The following RBFOX1 variants were observed in gnomAD, a reference collection of about 807,000 sequenced individuals.
RBFOX1 encodes the protein RNA binding fox-1 homolog 1.
A neutral mutation model predicts 57.7 loss-of-function variants in RBFOX1; 8 were observed. The observed-to-expected ratio is 0.14, with a 90% CI of 0.08 to 0.25. The LOEUF is 0.25. RBFOX1 is among the 10% of genes least tolerant of loss of function. The probability of loss-of-function intolerance (pLI) is 1.00; values close to 1 mark genes in which losing one functional copy is unlikely to be tolerated. For synonymous variants in RBFOX1, 326 were observed against 222.4 expected, an observed-to-expected ratio of 1.47 and a Z score of -4.15; for missense variants, 611 against 548.5, an observed-to-expected ratio of 1.11 and a Z score of -1.14.
intron 3 of RBFOX1, among the ~76,000 whole-genome samples, chr16:6,725,553 C>A (rs1289954132): frequency 1.3e-5 from 2 of 152,194 alleles, no homozygotes; most frequent in African/African-American, 2.4e-5. Flanking sequence ...ATAATCCACC[C>A]CCTGTTTAGC....
chr16:7,060,420 T>A (rs184623807), intron 4 of RBFOX1, among the ~76,000 whole-genome samples: 233 of 152,308 alleles, frequency 1.5e-3, no homozygotes, highest in Middle Eastern at 3.4e-3. Flanking sequence ...AATAAATGCA[T>A]GCACGTTCAT....
At chr16:5,636,473 A>G (rs1442855080) in intron 3 of RBFOX1, among the ~76,000 whole-genome samples, 1 of 151,970 alleles carries the variant, frequency 6.6e-6, no homozygotes, top group Non-Finnish European at 1.5e-5. Context: ...AATCTGAAGG[A>G]CTCCTCCCGC....
At chr16:6,812,820 G>A (rs1033292216) in intron 3 of RBFOX1, among the ~76,000 whole-genome samples, 1 of 152,132 alleles carries the variant, frequency 6.6e-6, no homozygotes, top group African/African-American at 2.4e-5. Flanking sequence ...ATTAGGTTTT[G>A]CATACAGCAG....
chr16:6,038,528 G>GGA (rs763970563), intron 1 of RBFOX1: 23 of 87,196 alleles, frequency 2.6e-4, no homozygotes, highest in African/African-American at 9.3e-4. Context: ...ATATATCCGT[G>GGA]GAGATATATA....
At chr16:7,124,878 A>G (rs2068095568) in intron 4 of RBFOX1, among the ~76,000 whole-genome samples, 2 of 152,100 alleles carry the variant, frequency 1.3e-5, no homozygotes, top group Admixed American at 6.6e-5. Flanking sequence ...CCTGACAAAT[A>G]AATATTTCAC....
intron 2 of RBFOX1, among the ~76,000 whole-genome samples, chr16:6,495,319 A>G (rs912744524): frequency 6.6e-6 from 1 of 152,066 alleles, no homozygotes; most frequent in Non-Finnish European, 1.5e-5. Flanking sequence ...GGGTTTCACC[A>G]TGTTTTCCAG....
intron 4 of RBFOX1, among the ~76,000 whole-genome samples, chr16:7,261,667 G>A (rs2153070118): frequency 6.6e-6 from 1 of 152,294 alleles, no homozygotes; most frequent in African/African-American, 2.4e-5. Flanking sequence ...TTATGTGTCT[G>A]ACAGGATGCC....
intron 4 of RBFOX1, among the ~76,000 whole-genome samples, chr16:7,197,584 A>AAT (rs2087053111): frequency 6.6e-6 from 1 of 152,202 alleles, no homozygotes; most frequent in Non-Finnish European, 1.5e-5. Context: ...GTTTATTTGC[A>AAT]GTAACATTGA....
At chr16:5,567,752 A>G (rs145301244) in intron 2 of RBFOX1, among the ~76,000 whole-genome samples, 2,052 of 151,536 alleles carry the variant, frequency 0.014, 52 homozygotes, top group African/African-American at 0.047. Flanking sequence ...TGTCATTACC[A>G]TCATCATTGT....
chr16:6,166,866 C>A (rs111769063), intron 1 of RBFOX1, among the ~76,000 whole-genome samples: 9,879 of 152,100 alleles, frequency 0.065, 801 homozygotes, highest in African/African-American at 0.19. Flanking sequence ...CTCCACCTCC[C>A]GGGTTCAAGC....
chr16:7,190,570 A>G (rs1016380118), intron 4 of RBFOX1, among the ~76,000 whole-genome samples: 1 of 151,954 alleles, frequency 6.6e-6, no homozygotes, highest in Non-Finnish European at 1.5e-5. Flanking sequence ...AAGGGAAAGT[A>G]GAGGAGGTTG....
At chr16:5,424,806 G>C (rs1172062908) in intron 1 of RBFOX1, among the ~76,000 whole-genome samples, 1 of 151,036 alleles carries the variant, frequency 6.6e-6, no homozygotes, top group Non-Finnish European at 1.5e-5. Context: ...CATGGTGTCT[G>C]TTTTCTCTTC....
At chr16:7,084,645 T>A (rs1567198686) in intron 4 of RBFOX1, among the ~76,000 whole-genome samples, 1 of 152,190 alleles carries the variant, frequency 6.6e-6, no homozygotes, top group African/African-American at 2.4e-5. Flanking sequence ...AAATTGAGCT[T>A]CAAAGACCAG....
chr16:6,423,912 C>T (rs1274005306), intron 2 of RBFOX1, among the ~76,000 whole-genome samples: 1 of 152,128 alleles, frequency 6.6e-6, no homozygotes, highest in Non-Finnish European at 1.5e-5. Flanking sequence ...GGCTAGGAAA[C>T]AGTCTTGCAT....
chr16:6,687,913 C>T (rs753867761), intron 3 of RBFOX1, among the ~76,000 whole-genome samples: 2 of 152,128 alleles, frequency 1.3e-5, no homozygotes, highest in African/African-American at 4.8e-5. Context: ...TTCTCTCCAC[C>T]GTATTTTCAA....
intron 1 of RBFOX1, among the ~76,000 whole-genome samples, chr16:5,340,326 A>G (rs924759877): frequency 6.6e-6 from 1 of 152,208 alleles, no homozygotes; most frequent in Non-Finnish European, 1.5e-5. Flanking sequence ...CTATTTCCTC[A>G]CATTAAGTTA....
intron 4 of RBFOX1, among the ~76,000 whole-genome samples, chr16:7,466,154 A>G (rs57254113): frequency 0.027 from 4,165 of 152,302 alleles, 170 homozygotes; most frequent in African/African-American, 0.094. Flanking sequence ...TGGGTCAGCA[A>G]TAGGATTCAA....
intron 3 of RBFOX1, among the ~76,000 whole-genome samples, chr16:6,883,309 C>T (rs1285083479): frequency 1.3e-5 from 2 of 151,986 alleles, no homozygotes; most frequent in African/African-American, 4.8e-5. Context: ...TTTGTTGGAG[C>T]CCCTGGGAAT....
chr16:6,654,755 A>T (rs2098634271), intron 3 of RBFOX1, 105 bp downstream of exon 3: 4 of 761,238 alleles, frequency 5.3e-6, no homozygotes, highest in Non-Finnish European at 8.0e-6. Flanking sequence ...TTTTTAGGTG[A>T]TTCACGGTCT....
Sources: gnomAD v4.1 joint callset for allele counts (sites outside exome capture counted in the v4.1 genomes callset) on GRCh38, gnomAD v4.1.1 for gene constraint, MANE v1.5 for transcripts, NCBI Gene and HGNC (gene_info 2026-07-23, HGNC 2026-07-21) for gene names.